The following WDR70 variants were observed in gnomAD, a reference collection of about 807,000 sequenced individuals.
The protein encoded by WDR70 is WD repeat domain 70.
A neutral mutation model predicts 88.6 loss-of-function variants in WDR70; 53 were observed. The observed-to-expected ratio is 0.60, with a 90% CI of 0.48 to 0.75. The LOEUF (loss-of-function observed/expected upper bound fraction) is 0.75. Among genes scored for constraint, WDR70 ranks in the 30% least tolerant of loss-of-function variants. The pLI, the probability that WDR70 is intolerant of heterozygous loss-of-function variation, is 0.00. For missense variants in WDR70, 610 were observed against 823.2 expected, an observed-to-expected ratio of 0.74 and a Z score of 3.17; for synonymous variants, 280 against 270.0, an observed-to-expected ratio of 1.04 and a Z score of -0.36.
chr5:37,614,721 TAGA>T (rs1382699990), intron 10 of WDR70, among the ~76,000 whole-genome samples: 1 of 152,164 alleles, frequency 6.6e-6, no homozygotes, highest in Admixed American at 6.5e-5. Context: ...TGGCCCCTTA[TAGA>T]AAAAGATTTT....
chr5:37,530,940 G>A (rs1741464473), intron 9 of WDR70, among the ~76,000 whole-genome samples: 1 of 151,890 alleles, frequency 6.6e-6, no homozygotes, highest in Non-Finnish European at 1.5e-5. Context: ...TTAATGCTAT[G>A]AACTTTCCTC....
At chr5:37,629,939 A>G (rs558178261) in intron 10 of WDR70, among the ~76,000 whole-genome samples, 37 of 152,320 alleles carry the variant, frequency 2.4e-4, no homozygotes, top group African/African-American at 8.9e-4. Context: ...ACTTACTCAT[A>G]TAAATGGATC....
At chr5:37,561,759 A>G (rs1742511134) in intron 9 of WDR70, among the ~76,000 whole-genome samples, 1 of 152,174 alleles carries the variant, frequency 6.6e-6, no homozygotes, top group Admixed American at 6.5e-5. Flanking sequence ...TCATATTGTG[A>G]CTTACTGCTT....
chr5:37,475,576 C>A (rs1263304487), intron 7 of WDR70, among the ~76,000 whole-genome samples: 4 of 152,090 alleles, frequency 2.6e-5, no homozygotes, highest in African/African-American at 9.7e-5. Context: ...GCCTGATATT[C>A]GTAAGATATA....
At chr5:37,748,954 A>G (rs1438331672) in intron 17 of WDR70, among the ~76,000 whole-genome samples, 4 of 152,244 alleles carry the variant, frequency 2.6e-5, no homozygotes, top group African/African-American at 9.6e-5. Flanking sequence ...AAGTCAGGAA[A>G]CAATAGATGC....
chr5:37,416,657 G>T (rs1189148771), intron 5 of WDR70, among the ~76,000 whole-genome samples: 2 of 150,578 alleles, frequency 1.3e-5, no homozygotes, highest in Non-Finnish European at 2.9e-5. Flanking sequence ...TCGGCTCACT[G>T]CAAGCCCCAC....
chr5:37,568,176 G>T (rs1292495790), intron 9 of WDR70, among the ~76,000 whole-genome samples: 9 of 152,136 alleles, frequency 5.9e-5, no homozygotes, highest in Non-Finnish European at 1.0e-4. Context: ...GCTCCTTCTT[G>T]TGGTACAGGG....
At chr5:37,463,443 C>T (rs1295754562) in intron 7 of WDR70, among the ~76,000 whole-genome samples, 1 of 152,154 alleles carries the variant, frequency 6.6e-6, no homozygotes, top group Non-Finnish European at 1.5e-5. Context: ...CAGCCCCAAA[C>T]AGCTGTGTTT....
chr5:37,529,439 C>G (rs1002498440), intron 9 of WDR70, among the ~76,000 whole-genome samples: 2 of 152,092 alleles, frequency 1.3e-5, no homozygotes, highest in African/African-American at 4.8e-5. Context: ...AATATTGATT[C>G]TACTCATCCA....
chr5:37,414,703 A>G (rs1749640157), intron 5 of WDR70, among the ~76,000 whole-genome samples: 1 of 151,542 alleles, frequency 6.6e-6, no homozygotes, highest in Non-Finnish European at 1.5e-5. Flanking sequence ...TGGAATGGCC[A>G]TCCTTGGCTG....
At chr5:37,402,924 CTCCT>C (rs1270264549) in intron 5 of WDR70, among the ~76,000 whole-genome samples, 1 of 146,682 alleles carries the variant, frequency 6.8e-6, no homozygotes, top group Non-Finnish European at 1.5e-5. Flanking sequence ...CCCTCTTTCC[CTCCT>C]TCCCTCCCTC....
At chr5:37,629,142 C>T (rs754753733) in intron 10 of WDR70, among the ~76,000 whole-genome samples, 5 of 152,162 alleles carry the variant, frequency 3.3e-5, no homozygotes, top group African/African-American at 4.8e-5. Context: ...GCTGAGATAT[C>T]TGCTGTTAGC....
chr5:37,616,070 G>A (rs545866460), intron 10 of WDR70, among the ~76,000 whole-genome samples: 3 of 152,146 alleles, frequency 2.0e-5, no homozygotes, highest in Non-Finnish European at 4.4e-5. Flanking sequence ...CAGTCTTTCG[G>A]TTTATACTTT....
chr5:37,644,069 A>G (rs1232662220), intron 10 of WDR70, among the ~76,000 whole-genome samples: 2 of 152,088 alleles, frequency 1.3e-5, no homozygotes, highest in African/African-American at 2.4e-5. Flanking sequence ...TCTAGATCTT[A>G]GAGGAAAGGC....
intron 10 of WDR70, among the ~76,000 whole-genome samples, chr5:37,662,477 G>A (rs1745728325): frequency 6.6e-6 from 1 of 152,126 alleles, no homozygotes; most frequent in Non-Finnish European, 1.5e-5. Context: ...AATGGGTTCA[G>A]TGCATCCCTG....
chr5:37,436,213 A>G (rs1310385641), intron 5 of WDR70, among the ~76,000 whole-genome samples: 2 of 152,132 alleles, frequency 1.3e-5, no homozygotes, highest in Non-Finnish European at 2.9e-5. Flanking sequence ...TGGCCAATAT[A>G]GGAGGTAAGC....
rs1032274455 is a variant in WDR70 at position 37,505,737 on chromosome 5, A to G, written c.841-10777A>G. ...TAGTGGTGTCAGCATCTCTTCAAAT[A>G]TAGCTCCCTACACGTTGGACCCTCT... On this transcript the variant is annotated intron_variant, in intron 8 of 17. Coordinates refer to ENST00000265107, the MANE Select transcript of WDR70 (RefSeq NM_018034.4). 5.4e-6 allele frequency: 7 copies of G among 1,298,582 alleles called. No individual in the cohort carries two copies. The Admixed American group carries it at 6.7e-5, about 12-fold the overall frequency. The allele number at this position is 1,298,582 out of a possible 1,614,324, so 80.4% of individuals were successfully genotyped here.
intron 10 of WDR70, among the ~76,000 whole-genome samples, chr5:37,668,845 C>A (rs1444751827): frequency 6.6e-6 from 1 of 152,156 alleles, no homozygotes; most frequent in Non-Finnish European, 1.5e-5. Flanking sequence ...TATCTCTTTG[C>A]CAAACACAGA....
intron 8 of WDR70, among the ~76,000 whole-genome samples, chr5:37,493,388 G>T (rs540245865): frequency 6.6e-6 from 1 of 152,174 alleles, no homozygotes; most frequent in Non-Finnish European, 1.5e-5. Flanking sequence ...TTCTCATGTT[G>T]CATCTAATGG....
Sources: allele counts gnomAD v4.1 joint callset (sites outside exome capture counted in the v4.1 genomes callset), GRCh38; gene constraint gnomAD v4.1.1; transcripts MANE v1.5; gene names NCBI Gene and HGNC (gene_info 2026-07-23, HGNC 2026-07-21).